NALF1: variants seen among roughly 807,000 people sequenced by gnomAD.
NALF1 encodes the protein NALCN channel auxiliary factor 1, also known as family with sequence similarity 155 member A.
NALF1 carries 3 observed loss-of-function variants against 48.4 expected under a neutral mutation model. The observed-to-expected ratio is 0.06, with a 90% CI of 0.03 to 0.16. The LOEUF is 0.16. NALF1 is among the 10% of genes least tolerant of loss of function. NALF1 has a pLI of 1.00. For missense variants in NALF1, 526 were observed against 571.5 expected (o/e 0.92, Z 0.81); for synonymous variants, 262 against 245.7 (o/e 1.07, Z -0.62).
chr13:107,715,287 C>T (rs1875717976), intron 1 of NALF1, among the ~76,000 whole-genome samples: 1 of 151,864 alleles, frequency 6.6e-6, no homozygotes, highest in African/African-American at 2.4e-5. Context: ...ACAGCAACCT[C>T]CGCCTCCCGG....
chr13:107,544,645 G>C (rs920244350), intron 1 of NALF1, among the ~76,000 whole-genome samples: 1 of 152,062 alleles, frequency 6.6e-6, no homozygotes, highest in African/African-American at 2.4e-5. Flanking sequence ...CCCTTCACAG[G>C]ACCCTTGGTT....
intron 1 of NALF1, among the ~76,000 whole-genome samples, chr13:107,365,092 C>T (rs985726242): frequency 6.8e-6 from 1 of 148,116 alleles, no homozygotes; most frequent in Admixed American, 6.8e-5. Flanking sequence ...TTCTCTTCCT[C>T]CTCTACCTCC....
At chr13:107,710,143 G>GA (rs1218303159) in intron 1 of NALF1, among the ~76,000 whole-genome samples, 1 of 137,638 alleles carries the variant, frequency 7.3e-6, no homozygotes, top group African/African-American at 2.7e-5. Context: ...AAAGAAAAGA[G>GA]AAAAAAAGGA....
At chr13:107,665,296 T>C (rs926617524) in intron 1 of NALF1, among the ~76,000 whole-genome samples, 2 of 152,168 alleles carry the variant, frequency 1.3e-5, no homozygotes, top group South Asian at 2.1e-4. Context: ...ATGAGATTTA[T>C]CATTGTGTTT....
At chr13:107,852,287 C>G (rs555583674) in intron 1 of NALF1, among the ~76,000 whole-genome samples, 1 of 152,212 alleles carries the variant, frequency 6.6e-6, no homozygotes, top group African/African-American at 2.4e-5. Flanking sequence ...TGACTTACTC[C>G]TTTTTAAACT....
At chr13:107,634,007 AC>A (rs1879908166) in intron 1 of NALF1, among the ~76,000 whole-genome samples, 1 of 130,216 alleles carries the variant, frequency 7.7e-6, no homozygotes, top group Non-Finnish European at 1.7e-5. Flanking sequence ...TGCTTTAGAT[AC>A]TATTATGTGC....
At chr13:107,616,460 T>G (rs983278575) in intron 1 of NALF1, among the ~76,000 whole-genome samples, 1 of 152,238 alleles carries the variant, frequency 6.6e-6, no homozygotes, top group Admixed American at 6.5e-5. Flanking sequence ...TTATTTTTAA[T>G]GTCTATTTCA....
chr13:107,279,024 C>CCTTTT (rs1296110854), intron 1 of NALF1, among the ~76,000 whole-genome samples: 1 of 147,436 alleles, frequency 6.8e-6, no homozygotes, highest in Non-Finnish European at 1.5e-5. Context: ...TCAGGTCTTT[C>CCTTTT]CTTTTCTTTT....
At chr13:107,500,518 A>T (rs931882421) in intron 1 of NALF1, among the ~76,000 whole-genome samples, 5 of 151,062 alleles carry the variant, frequency 3.3e-5, no homozygotes, top group African/African-American at 4.9e-5. Flanking sequence ...ACTGTAAACT[A>T]GTTCAACCAT....
intron 1 of NALF1, among the ~76,000 whole-genome samples, chr13:107,708,996 T>A (rs1875485313): frequency 6.6e-6 from 1 of 152,172 alleles, no homozygotes; most frequent in African/African-American, 2.4e-5. Context: ...GGGGACAACA[T>A]AAAATAAGTG....
chr13:107,422,392 C>T (rs1331678397), intron 1 of NALF1, among the ~76,000 whole-genome samples: 1 of 151,966 alleles, frequency 6.6e-6, no homozygotes, highest in Non-Finnish European at 1.5e-5. Flanking sequence ...TTTAAACTAG[C>T]CAGAGAGAAA....
intron 1 of NALF1, among the ~76,000 whole-genome samples, chr13:107,449,964 CA>C (rs745547227): frequency 1.7e-4 from 26 of 152,048 alleles, no homozygotes; most frequent in Non-Finnish European, 2.4e-4. Context: ...GTACTCTGGC[CA>C]GAGTTGGCAT....
chr13:107,271,571 C>CCAGGCTGTGCT (rs56089595), intron 1 of NALF1, among the ~76,000 whole-genome samples: 102,100 of 149,958 alleles, frequency 0.68, 35,602 homozygotes, highest in South Asian at 0.81. Flanking sequence ...GAGAACTCAG[C>CCAGGCTGTGCT]CAGGCTGTGC....
intron 2 of NALF1, among the ~76,000 whole-genome samples, chr13:107,189,832 G>A (rs1037227351): frequency 2.9e-4 from 44 of 152,296 alleles, no homozygotes; most frequent in African/African-American, 1.0e-3. Flanking sequence ...TAGGAATTTG[G>A]AATAATTTAA....
At chr13:107,677,603 A>G (rs1881164351) in intron 1 of NALF1, among the ~76,000 whole-genome samples, 1 of 152,220 alleles carries the variant, frequency 6.6e-6, no homozygotes, top group African/African-American at 2.4e-5. Context: ...ACATAATGGA[A>G]TATCACATAC....
chr13:107,493,168 C>T (rs887850582), intron 1 of NALF1, among the ~76,000 whole-genome samples: 2 of 152,104 alleles, frequency 1.3e-5, no homozygotes, highest in Non-Finnish European at 2.9e-5. Context: ...ATAAAAATCA[C>T]TCTGGTCAAG....
At chr13:107,547,313 G>C (rs1877161309) in intron 1 of NALF1, among the ~76,000 whole-genome samples, 1 of 152,046 alleles carries the variant, frequency 6.6e-6, no homozygotes, top group Non-Finnish European at 1.5e-5. Context: ...CAGAAAAATT[G>C]AATTTTGTTA....
At chr13:107,237,165 T>C (rs1374655303) in intron 1 of NALF1, among the ~76,000 whole-genome samples, 4 of 151,600 alleles carry the variant, frequency 2.6e-5, no homozygotes, top group African/African-American at 7.3e-5. Flanking sequence ...TTATATATCA[T>C]AAATAATTTA....
At chr13:107,636,043 G>A (rs528411132) in intron 1 of NALF1, among the ~76,000 whole-genome samples, 1 of 152,206 alleles carries the variant, frequency 6.6e-6, no homozygotes, top group African/African-American at 2.4e-5. Context: ...TACCTATTAG[G>A]TTGGTGCAAA....
Sources: allele counts gnomAD v4.1 joint callset (sites outside exome capture counted in the v4.1 genomes callset), GRCh38; gene constraint gnomAD v4.1.1; transcripts MANE v1.5; gene names NCBI Gene and HGNC (gene_info 2026-07-23, HGNC 2026-07-21).